Variants in CRIM1 observed in about 807,000 individuals in gnomAD.
CRIM1 encodes the protein cysteine-rich motor neuron 1 protein.
A neutral mutation model predicts 116.4 loss-of-function variants in CRIM1; 32 were observed. That is an observed-to-expected ratio of 0.27 (90% CI 0.21 to 0.37). CRIM1 has a LOEUF of 0.37. Among genes scored for constraint, CRIM1 ranks in the 10% least tolerant of loss-of-function variants. CRIM1 has a pLI of 1.00. For synonymous variants in CRIM1, 590 were observed against 509.2 expected (o/e 1.16, Z -2.13); for missense variants, 1,331 against 1,354.8 (o/e 0.98, Z 0.28).
At chr2:36,522,856 G>A (rs1488765250) in intron 13 of CRIM1, among the ~76,000 whole-genome samples, 2 of 151,362 alleles carry the variant, frequency 1.3e-5, no homozygotes, top group East Asian at 3.9e-4. Context: ...CTCTGAGAAT[G>A]TCATACTGTT....
intron 4 of CRIM1, among the ~76,000 whole-genome samples, chr2:36,457,353 A>AAAC (rs1033883374): frequency 6.9e-6 from 1 of 145,124 alleles, no homozygotes; most frequent in Non-Finnish European, 1.5e-5. Flanking sequence ...ACAAAGCGTA[A>AAAC]AACAACAACA....
At chr2:36,532,794 A>G (rs949936992) in intron 13 of CRIM1, among the ~76,000 whole-genome samples, 3 of 152,192 alleles carry the variant, frequency 2.0e-5, no homozygotes, top group African/African-American at 7.2e-5. Flanking sequence ...TGTAGAATTG[A>G]AACAATACCC....
chr2:36,517,191 A>G (rs1016297526), intron 11 of CRIM1, 136 bp from the exon 12 acceptor site: 6 of 663,304 alleles, frequency 9.0e-6, no homozygotes, highest in Admixed American at 2.5e-5. Context: ...TTTCTTCACT[A>G]TTCTCTTAAT....
In CRIM1 at chr2:36,356,458, G is replaced by T; in HGVS notation, c.166G>T (p.Val56Leu). 6.2e-7 allele frequency: 1 copy of T among 1,612,440 alleles called. No homozygotes were observed. Among genetic ancestry groups the T allele is most frequent in the Non-Finnish European group, 8.5e-7 (1 of 1,179,794 alleles). Residue 56 changes from valine (V) to leucine (L), a missense_variant, in exon 1 of 17, where the codon GTG becomes TTG. By Grantham distance (32) the Val-to-Leu change is conservative. Around this residue, in one of 3 missense-constraint regions of CRIM1, gnomAD observed 690 missense variants for 676.0 expected, o/e 1.02. Coordinates refer to ENST00000280527, the MANE Select transcript of CRIM1 (RefSeq NM_016441.3). This position sits in a 1 kb window ranked among gnomAD's most constrained non-coding sequence, Gnocchi z 4.3. ...GCCCAGGAACTGCCCGGGGAGCATC[G>T]TGCAGGGCGTCTGCGGCTGCTGCTA... ...EEPRNCPGSI[V>L]QGVCGCCYTC...
intron 2 of CRIM1, among the ~76,000 whole-genome samples, chr2:36,425,202 A>G (rs1674359866): frequency 6.6e-6 from 1 of 152,208 alleles, no homozygotes; most frequent in African/African-American, 2.4e-5. Context: ...AACATTTGCA[A>G]ATGAAAGAAT....
rs1671696728 is a variant in CRIM1 at position 36,392,564 on chromosome 2, A to G, written c.332-4050A>G. 2.6e-5 allele frequency among the ~76,000 whole-genome samples: 4 copies of G among 152,226 alleles called. No homozygotes were observed. In the South Asian group the frequency reaches 8.3e-4, roughly 32 times the overall value. On this transcript the variant is annotated intron_variant, in intron 1 of 16. Coordinates refer to ENST00000280527, the MANE Select transcript of CRIM1 (RefSeq NM_016441.3). ...CTTAGGAAAAGAGAGATTTTAAAACATAATTTGCCAACTGCTGTTAGCAGA... is the reference window on the plus strand; with the variant it reads ...CTTAGGAAAAGAGAGATTTTAAAACGTAATTTGCCAACTGCTGTTAGCAGA...
intron 7 of CRIM1, among the ~76,000 whole-genome samples, chr2:36,488,889 C>T (rs1312197590): frequency 1.3e-5 from 2 of 152,172 alleles, no homozygotes; most frequent in Non-Finnish European, 2.9e-5. Context: ...GTGGACCCTG[C>T]AAATCATGTA....
chr2:36,511,523 A>G (rs1558386302), intron 9 of CRIM1, among the ~76,000 whole-genome samples: 1 of 152,236 alleles, frequency 6.6e-6, no homozygotes, highest in Admixed American at 6.5e-5. Flanking sequence ...AATAGTAGGT[A>G]GCTTCAACCA....
At chr2:36,410,977 C>G (rs755754521) in intron 2 of CRIM1, among the ~76,000 whole-genome samples, 1 of 152,194 alleles carries the variant, frequency 6.6e-6, no homozygotes, top group East Asian at 1.9e-4. Flanking sequence ...AGGCATGAAA[C>G]AAATTCTCAT....
At position 36,547,121 on chromosome 2, in the gene CRIM1, C is replaced by A; in HGVS notation, c.2884C>A (p.Gln962Lys). Residue 962 changes from glutamine (Q) to lysine (K), a missense_variant, in exon 16 of 17, where the codon CAG becomes AAG. Gln to Lys is a moderately conservative substitution (Grantham distance 53). Coordinates refer to ENST00000280527, the MANE Select transcript of CRIM1 (RefSeq NM_016441.3). ...SIIIAFLFINQKKQWIPLLCW... is the reference protein window; with the variant it reads ...SIIIAFLFINKKKQWIPLLCW... ...TATAATAGCATTCCTATTCATCAAT[C>A]AGAAGAAACAGTGGATACCACTGCT... is the stretch of plus-strand genomic sequence containing the variant. 6.2e-7 allele frequency: 1 copy of A among 1,613,170 alleles called. No homozygotes were observed. The highest frequency in any genetic ancestry group is 8.5e-7 in the Non-Finnish European group (1 of 1,179,358).
chr2:36,444,139 T>A (rs1203514608), intron 4 of CRIM1, among the ~76,000 whole-genome samples: 1 of 152,226 alleles, frequency 6.6e-6, no homozygotes, highest in African/African-American at 2.4e-5. Context: ...ACTAAGCCGG[T>A]TGTTAACGAG....
At chr2:36,527,857 C>G (rs1417623967) in intron 13 of CRIM1, among the ~76,000 whole-genome samples, 1 of 152,092 alleles carries the variant, frequency 6.6e-6, no homozygotes, top group Admixed American at 6.6e-5. Context: ...CGCTGCTTCT[C>G]CAGTGTATTT....
intron 3 of CRIM1, among the ~76,000 whole-genome samples, chr2:36,441,980 C>G (rs1019810229): frequency 1.3e-5 from 2 of 152,236 alleles, no homozygotes; most frequent in Non-Finnish European, 2.9e-5. Context: ...CAATCTTTCT[C>G]TTTGCCAATT....
intron 2 of CRIM1, among the ~76,000 whole-genome samples, chr2:36,406,629 C>A (rs1286309314): frequency 1.4e-5 from 2 of 142,662 alleles, no homozygotes; most frequent in Non-Finnish European, 3.0e-5. Flanking sequence ...CCCTCCCCCC[C>A]CCCCAAAAAA....
At chr2:36,444,745 C>G (rs72787263) in intron 4 of CRIM1, among the ~76,000 whole-genome samples, 1 of 152,140 alleles carries the variant, frequency 6.6e-6, no homozygotes, top group South Asian at 2.1e-4. Context: ...CTCATTTGTT[C>G]GCTTTGAACA....
intron 1 of CRIM1, among the ~76,000 whole-genome samples, chr2:36,375,314 A>G (rs890986190): frequency 6.6e-6 from 1 of 152,204 alleles, no homozygotes; most frequent in African/African-American, 2.4e-5. Context: ...AGGAAAATAG[A>G]CTTTTCCTTG....
intron 1 of CRIM1, among the ~76,000 whole-genome samples, chr2:36,357,401 T>A (rs185899656): frequency 6.6e-5 from 10 of 152,328 alleles, no homozygotes; most frequent in Admixed American, 5.9e-4. Context: ...TTTTGTTTGT[T>A]TGACAGCGGG....
intron 5 of CRIM1, among the ~76,000 whole-genome samples, chr2:36,471,761 C>CACACACACACACACACACA (rs72156127): frequency 2.7e-4 from 35 of 128,664 alleles, no homozygotes; most frequent in African/African-American, 7.6e-4. Flanking sequence ...ACACACACAC[C>CACACACACACACACACACA]ATCTTACAAT....
chr2:36,387,157 G>A (rs771566411), intron 1 of CRIM1, among the ~76,000 whole-genome samples: 3 of 152,062 alleles, frequency 2.0e-5, no homozygotes, highest in Non-Finnish European at 4.4e-5. Context: ...CTCCTTGCTG[G>A]GTGTTACTTA....
Sources: gnomAD v4.1 joint callset for allele counts (sites outside exome capture counted in the v4.1 genomes callset) on GRCh38, gnomAD v4.1.1 for gene constraint, gnomAD v4.1.1 regional missense constraint, Gnocchi (gnomAD v3.1) non-coding constraint, MANE v1.5 for transcripts, NCBI Gene and HGNC (gene_info 2026-07-23, HGNC 2026-07-21) for gene names.